The following THSD7A variants were observed in gnomAD, a reference collection of about 807,000 sequenced individuals.
The protein encoded by THSD7A is thrombospondin type-1 domain-containing protein 7A.
Under a neutral mutation model 231.3 loss-of-function variants are expected in THSD7A, and 96 were observed. The observed-to-expected ratio is 0.41, with a 90% CI of 0.35 to 0.49. The LOEUF (loss-of-function observed/expected upper bound fraction) is 0.49, where lower values mean the gene tolerates loss of function less well. Among genes scored for constraint, THSD7A ranks in the 20% least tolerant of loss-of-function variants. The pLI, the probability that THSD7A is intolerant of heterozygous loss-of-function variation, is 0.05. For synonymous variants in THSD7A, 940 were observed against 743.3 expected (o/e 1.26, Z -4.30); for missense variants, 2,290 against 2,070.2 (o/e 1.11, Z -2.06).
chr7:11,756,364 G>A (rs761539214), intron 1 of THSD7A, among the ~76,000 whole-genome samples: 4 of 152,102 alleles, frequency 2.6e-5, no homozygotes, highest in Non-Finnish European at 4.4e-5. Context: ...AGTAGTCCAA[G>A]TCTAAGGTGG....
intron 1 of THSD7A, among the ~76,000 whole-genome samples, chr7:11,689,610 C>T (rs1176366599): frequency 6.6e-6 from 1 of 151,610 alleles, no homozygotes; most frequent in Non-Finnish European, 1.5e-5. Context: ...CATTTTCGTC[C>T]TACTTCTTTG....
chr7:11,671,306 C>T (rs951025775), intron 1 of THSD7A, among the ~76,000 whole-genome samples: 3 of 152,130 alleles, frequency 2.0e-5, no homozygotes, highest in Non-Finnish European at 1.5e-5. Flanking sequence ...ACATTACCAA[C>T]TCCTGGGATA....
intron 1 of THSD7A, among the ~76,000 whole-genome samples, chr7:11,797,156 A>G (rs187933773): frequency 1.3e-5 from 2 of 152,278 alleles, no homozygotes; most frequent in East Asian, 3.9e-4. Context: ...TATATCCCCC[A>G]AATATGTATT....
At chr7:11,819,208 G>A in intron 1 of THSD7A, among the ~76,000 whole-genome samples, 1 of 152,150 alleles carries the variant, frequency 6.6e-6, no homozygotes, top group East Asian at 1.9e-4. Context: ...GGAGAAATAG[G>A]AACTCTCATT....
chr7:11,601,802 G>A (rs993611006), intron 2 of THSD7A, among the ~76,000 whole-genome samples: 3 of 152,106 alleles, frequency 2.0e-5, no homozygotes, highest in African/African-American at 4.8e-5. Context: ...ACATTACCTT[G>A]TTTAATACTC....
chr7:11,464,132 T>C (rs1346128860), intron 9 of THSD7A, among the ~76,000 whole-genome samples: 1 of 152,100 alleles, frequency 6.6e-6, no homozygotes. Context: ...ATTTTTTTCT[T>C]TTGTTTTATG....
intron 1 of THSD7A, among the ~76,000 whole-genome samples, chr7:11,647,839 G>C (rs529607754): frequency 6.6e-6 from 1 of 152,116 alleles, no homozygotes; most frequent in East Asian, 1.9e-4. Flanking sequence ...GACCAGCCTC[G>C]GTGAGAAGAA....
Position 11,832,139 on chromosome 7 carries a change from T to TGCCGCC in THSD7A, c.-199_-194dup, listed in dbSNP as rs971336482. 3.6e-5 allele frequency: 12 copies of TGCCGCC among 332,352 alleles called. No individual in the cohort carries two copies. In the South Asian group the frequency reaches 3.9e-4, roughly 11 times the overall value. 20.6% of individuals were successfully genotyped at this position (332,352 alleles called of 1,614,324 possible). ...CGTCCGCGGTGGTGGCCGTGGCCGC[T>TGCCGCC]GCCGCCGCCGCCGCCGCCTCTGGCG... On this transcript the variant is annotated 5_prime_UTR_variant, in exon 1 of 28. Transcript: ENST00000423059.
At chr7:11,467,686 A>G (rs1785765608) in intron 9 of THSD7A, among the ~76,000 whole-genome samples, 1 of 152,100 alleles carries the variant, frequency 6.6e-6, no homozygotes, top group Non-Finnish European at 1.5e-5. Context: ...TTCATACTGT[A>G]AAAATCACAA....
chr7:11,820,975 G>T (rs1313990305), intron 1 of THSD7A: 14 of 1,030,664 alleles, frequency 1.4e-5, no homozygotes, highest in Non-Finnish European at 1.9e-5. Context: ...TCAAGGCGGA[G>T]ATCAACAGGA....
rs540413252 is a variant in THSD7A at position 11,633,320 on chromosome 7, G to A, written c.1022+2810C>T. 2.0e-5 allele frequency among the ~76,000 whole-genome samples: 3 copies of A among 152,276 alleles called. No individual in the cohort carries two copies. The East Asian group carries it at 5.8e-4, about 29-fold the overall frequency. ...TCCTGTGTCCTAGTGTATGTGTAGTGATTTAGAATTCTCTTCCACTAGTTG... is the reference window on the plus strand; with the variant it reads ...TCCTGTGTCCTAGTGTATGTGTAGTAATTTAGAATTCTCTTCCACTAGTTG... On this transcript the variant is annotated intron_variant, in intron 2 of 27. Transcript: ENST00000423059.
At chr7:11,397,537 C>G (rs749330379) in intron 23 of THSD7A, among the ~76,000 whole-genome samples, 16 of 152,102 alleles carry the variant, frequency 1.1e-4, no homozygotes, top group African/African-American at 2.2e-4. Flanking sequence ...AAAGCAATGG[C>G]CACAAAAGCC....
chr7:11,395,270 A>T (rs1216695286), intron 23 of THSD7A, among the ~76,000 whole-genome samples: 3 of 152,234 alleles, frequency 2.0e-5, no homozygotes, highest in African/African-American at 4.8e-5. Context: ...AAGAACAGCT[A>T]ACTATCCCAA....
chr7:11,509,652 C>A (rs1474253329), intron 6 of THSD7A, among the ~76,000 whole-genome samples: 1 of 150,956 alleles, frequency 6.6e-6, no homozygotes, highest in East Asian at 1.9e-4. Context: ...AACCCCGTCT[C>A]TATTAAAAAT....
chr7:11,378,440 G>A (rs1782368219), intron 26 of THSD7A, among the ~76,000 whole-genome samples: 1 of 152,172 alleles, frequency 6.6e-6, no homozygotes, highest in South Asian at 2.1e-4. Context: ...TGCCTGTATT[G>A]GCTTTGCATT....
intron 22 of THSD7A, among the ~76,000 whole-genome samples, chr7:11,403,900 G>A (rs1034437548): frequency 1.3e-5 from 2 of 152,058 alleles, no homozygotes; most frequent in Non-Finnish European, 2.9e-5. Flanking sequence ...CACATGAGAT[G>A]TATTTCCTAA....
rs1303030051 is a variant in THSD7A, at chr7:11,636,864, A to G, written c.288T>C (p.His96=). The G allele has an allele frequency of 1.2e-6, 2 of 1,613,834 alleles. No homozygotes were observed. Among genetic ancestry groups the G allele is most frequent in the Non-Finnish European group, 1.7e-6 (2 of 1,179,900 alleles). The change falls in exon 2 of 28, where the codon CAT becomes CAC. Residue 96 remains histidine (H), a synonymous_variant. Coordinates refer to ENST00000423059, the MANE Select transcript of THSD7A (RefSeq NM_015204.3). The surrounding 1 kb of genome is among the most constrained non-coding windows in gnomAD (Gnocchi z 10.0). The part of the protein sequence containing the change: ...CAHVEGWTTL[H]TNCKQAERPN... Reference sequence around the variant, plus strand: ...GTCTCTCGGCCTGCTTACAGTTAGTATGCAGTGTAGTCCATCCCTCCACAT... The same window carrying G: ...GTCTCTCGGCCTGCTTACAGTTAGTGTGCAGTGTAGTCCATCCCTCCACAT...
chr7:11,521,831 C>T (rs1176688954), intron 6 of THSD7A, among the ~76,000 whole-genome samples: 33 of 151,958 alleles, frequency 2.2e-4, no homozygotes, highest in Non-Finnish European at 1.5e-5. Context: ...TCAATGTACC[C>T]TTTCTGATAG....
At chr7:11,490,945 T>G (rs1406823978) in intron 6 of THSD7A, among the ~76,000 whole-genome samples, 1 of 152,114 alleles carries the variant, frequency 6.6e-6, no homozygotes, top group African/African-American at 2.4e-5. Context: ...GACAGCAGCA[T>G]GAGGCTATTT....
Sources: gnomAD v4.1 joint callset for allele counts (sites outside exome capture counted in the v4.1 genomes callset) on GRCh38, gnomAD v4.1.1 for gene constraint, Gnocchi (gnomAD v3.1) non-coding constraint, MANE v1.5 for transcripts, NCBI Gene and HGNC (gene_info 2026-07-23, HGNC 2026-07-21) for gene names.